Variants in CADM2 observed in about 807,000 individuals in gnomAD.
The protein encoded by CADM2 is cell adhesion molecule 2.
In CADM2, 12 loss-of-function variants were observed where a neutral mutation model predicts 49.8. The observed-to-expected ratio is 0.24, with a 90% CI of 0.15 to 0.39. The LOEUF (loss-of-function observed/expected upper bound fraction) is 0.39. CADM2 is among the 10% of genes least tolerant of loss of function. CADM2 has a pLI of 1.00. For missense variants in CADM2, 378 were observed against 492.3 expected (o/e 0.77, Z 2.20); for synonymous variants, 214 against 175.4 (o/e 1.22, Z -1.74).
chr3:85,647,523 T>C (rs1289551449), intron 1 of CADM2, among the ~76,000 whole-genome samples: 2 of 151,788 alleles, frequency 1.3e-5, no homozygotes, highest in Non-Finnish European at 3.0e-5. Context: ...CTAAAGTTAA[T>C]CTGTTTTAGA....
intron 1 of CADM2, among the ~76,000 whole-genome samples, chr3:85,014,535 T>G (rs1172881019): frequency 1.3e-5 from 2 of 152,096 alleles, no homozygotes; most frequent in Non-Finnish European, 1.5e-5. Flanking sequence ...TCCTGGAGGG[T>G]TTGGAATATA....
chr3:86,035,880 G>C (rs1735091568), intron 8 of CADM2, among the ~76,000 whole-genome samples: 1 of 152,088 alleles, frequency 6.6e-6, no homozygotes, highest in Non-Finnish European at 1.5e-5. Context: ...TAAGATCAAG[G>C]TGCTGGCAGA....
intron 1 of CADM2, among the ~76,000 whole-genome samples, chr3:85,413,870 A>T (rs76429692): frequency 0.012 from 1,757 of 150,590 alleles, 39 homozygotes; most frequent in African/African-American, 0.041. Flanking sequence ...TAGCTATTTT[A>T]ATTTTTTTTT....
chr3:85,628,587 A>ATATACATATATATACATATG (rs1403566033), intron 1 of CADM2, among the ~76,000 whole-genome samples: 1 of 138,964 alleles, frequency 7.2e-6, no homozygotes, highest in African/African-American at 2.7e-5. Flanking sequence ...ACACACATAT[A>ATATACATATATATACATATG]TATACATATA....
At chr3:85,618,290 T>C (rs2063857507) in intron 1 of CADM2, among the ~76,000 whole-genome samples, 1 of 152,040 alleles carries the variant, frequency 6.6e-6, no homozygotes, top group Admixed American at 6.6e-5. Context: ...ATATTGGGAA[T>C]CACAATATAT....
intron 1 of CADM2, among the ~76,000 whole-genome samples, chr3:85,201,656 A>T (rs1197354387): frequency 1.3e-5 from 2 of 152,138 alleles, no homozygotes; most frequent in African/African-American, 4.8e-5. Flanking sequence ...ATCCTCTCTA[A>T]CCCTACCACT....
intron 1 of CADM2, among the ~76,000 whole-genome samples, chr3:85,614,296 C>G (rs1405201414): frequency 6.6e-6 from 1 of 151,460 alleles, no homozygotes. Flanking sequence ...AATGGCATTA[C>G]AGAAGACCTT....
At chr3:85,271,605 T>C (rs1389154155) in intron 1 of CADM2, among the ~76,000 whole-genome samples, 1 of 151,014 alleles carries the variant, frequency 6.6e-6, no homozygotes, top group Non-Finnish European at 1.5e-5. Flanking sequence ...AATAACCATA[T>C]CTCCTGCCTC....
chr3:85,397,894 C>A (rs2034874385), intron 1 of CADM2, among the ~76,000 whole-genome samples: 1 of 151,986 alleles, frequency 6.6e-6, no homozygotes, highest in Non-Finnish European at 1.5e-5. Context: ...AAATATTTTA[C>A]CACAATTAAA....
Position 85,760,382 on chromosome 3 carries a change from G to C in CADM2, c.88+33834G>C, listed in dbSNP as rs1269236097. Reference sequence around the variant, plus strand: ...AGAAAATCATTTTATCTGAGCAGTTGCTTTTCAATTTATCCTTTTGTACGT... The same window carrying C: ...AGAAAATCATTTTATCTGAGCAGTTCCTTTTCAATTTATCCTTTTGTACGT... On this transcript the variant is annotated intron_variant, in intron 2 of 9. Transcript: ENST00000383699. 6.6e-5 allele frequency among the ~76,000 whole-genome samples: 10 copies of C among 150,770 alleles called. 1 individual carries two copies. The East Asian group carries it at 2.0e-3, about 29-fold the overall frequency.
chr3:85,467,213 A>G (rs2107601386), intron 1 of CADM2, among the ~76,000 whole-genome samples: 1 of 152,298 alleles, frequency 6.6e-6, no homozygotes, highest in African/African-American at 2.4e-5. Flanking sequence ...AGATATTTTT[A>G]AACTACTCCT....
At chr3:85,772,011 T>TC (rs1270150781) in intron 2 of CADM2, among the ~76,000 whole-genome samples, 7 of 136,302 alleles carry the variant, frequency 5.1e-5, no homozygotes, top group African/African-American at 1.9e-4. Flanking sequence ...TTTCTTTCTT[T>TC]TTTTTTTTTT....
intron 1 of CADM2, among the ~76,000 whole-genome samples, chr3:85,665,808 G>A (rs919440822): frequency 3.3e-5 from 5 of 151,730 alleles, no homozygotes; most frequent in Non-Finnish European, 5.9e-5. Flanking sequence ...TGATTCTCCC[G>A]TCGTTTCCAA....
intron 8 of CADM2, chr3:86,014,140 A>G: frequency 7.8e-7 from 1 of 1,284,190 alleles, no homozygotes; most frequent in Non-Finnish European, 1.1e-6. Flanking sequence ...GATGCTTTTG[A>G]AATTTTGGTG....
intron 1 of CADM2, among the ~76,000 whole-genome samples, chr3:85,631,331 T>TAGAAG (rs915920363): frequency 4.6e-5 from 7 of 152,128 alleles, no homozygotes; most frequent in Admixed American, 2.0e-4. Flanking sequence ...ATAGATACTA[T>TAGAAG]AGAAGAGCTT....
At chr3:85,596,788 C>T (rs1333250870) in intron 1 of CADM2, among the ~76,000 whole-genome samples, 1 of 152,080 alleles carries the variant, frequency 6.6e-6, no homozygotes, top group Non-Finnish European at 1.5e-5. Flanking sequence ...CCGATCTTAA[C>T]TCAATTAAAC....
In CADM2 at chr3:85,751,211, G is replaced by A. The variant is rs1252448726; in HGVS notation, c.88+24663G>A. ...ACCTAAGATAAAAATCTAGTCAAGGGGTCTAACATTCATTGAGAAACTATG... is the reference window on the plus strand; with the variant it reads ...ACCTAAGATAAAAATCTAGTCAAGGAGTCTAACATTCATTGAGAAACTATG... On this transcript the variant is annotated intron_variant, in intron 2 of 9. Transcript: ENST00000383699. Among the ~76,000 whole-genome samples, 5 of 152,028 alleles carry A rather than the reference G, an allele frequency of 3.3e-5. No homozygotes were observed. The East Asian group carries it at 9.7e-4, about 30-fold the overall frequency.
In CADM2 at chr3:85,769,820, G is replaced by T. The variant is rs1577269622; in HGVS notation, c.89-32227G>T. 2.6e-5 allele frequency among the ~76,000 whole-genome samples: 4 copies of T among 151,228 alleles called. No individual in the cohort carries two copies. In the South Asian group the frequency reaches 8.3e-4, roughly 31 times the overall value. ...CTATAAGTAGAAAATATAGTATTTT[G>T]TGACATCTACATTTCAGTGTCAAGA... On this transcript the variant is annotated intron_variant, in intron 2 of 9. Coordinates refer to ENST00000383699, the MANE Select transcript of CADM2 (RefSeq NM_001167675.2).
chr3:85,930,740 A>G (rs1009604413), intron 6 of CADM2, among the ~76,000 whole-genome samples: 1 of 152,030 alleles, frequency 6.6e-6, no homozygotes, highest in Non-Finnish European at 1.5e-5. Context: ...TATTTCACAA[A>G]ACAAAATGAT....
Sources: gnomAD v4.1 joint callset for allele counts (sites outside exome capture counted in the v4.1 genomes callset) on GRCh38, gnomAD v4.1.1 for gene constraint, MANE v1.5 for transcripts, NCBI Gene and HGNC (gene_info 2026-07-23, HGNC 2026-07-21) for gene names.